PDZD2: variants seen among roughly 807,000 people sequenced by gnomAD.
PDZD2 encodes the protein PDZ domain containing 2.
In PDZD2, 90 loss-of-function variants were observed where a neutral mutation model predicts 220.7. The ratio of observed to expected loss-of-function variants is 0.41; its 90% CI spans 0.34 to 0.49. The LOEUF (loss-of-function observed/expected upper bound fraction) is 0.49. Ranked by LOEUF, PDZD2 falls within the 20% of genes least tolerant of loss-of-function variation. PDZD2 has a pLI of 0.28. For missense variants in PDZD2, 3,174 were observed against 3,608.5 expected, an observed-to-expected ratio of 0.88 and a Z score of 3.08; for synonymous variants, 1,375 against 1,450.5, an observed-to-expected ratio of 0.95 and a Z score of 1.18.
chr5:32,024,502 G>A (rs1350373873), intron 6 of PDZD2, among the ~76,000 whole-genome samples: 1 of 152,048 alleles, frequency 6.6e-6, no homozygotes, highest in Non-Finnish European at 1.5e-5. Flanking sequence ...GGCCAACATG[G>A]CGAAACCTCG....
chr5:31,764,661 T>C (rs193279590), intron 1 of PDZD2, among the ~76,000 whole-genome samples: 65 of 152,322 alleles, frequency 4.3e-4, no homozygotes, highest in Admixed American at 4.2e-3. Context: ...CTTCATGCTG[T>C]CTCAGACTCA....
At chr5:31,914,094 C>T (rs1192533073) in intron 2 of PDZD2, among the ~76,000 whole-genome samples, 1 of 152,166 alleles carries the variant, frequency 6.6e-6, no homozygotes, top group Non-Finnish European at 1.5e-5. Context: ...GCCATGTGAT[C>T]CCAGAATTAA....
chr5:32,052,641 T>C lies in PDZD2; in HGVS notation c.1696T>C (p.Ser566Pro). 6.2e-7 allele frequency: 1 copy of C among 1,613,582 alleles called. No individual in the cohort carries two copies. The highest frequency in any genetic ancestry group is 8.5e-7 in the Non-Finnish European group (1 of 1,179,476). The change falls in exon 9 of 25, where the codon TCC becomes CCC. Residue 566 changes from serine to proline, a missense_variant. Physicochemically the swap from Ser to Pro is moderately conservative, Grantham distance 74. Transcript: ENST00000438447. ...CCACATTGTGAAGAAGTCTACCCGC[T>C]CCTTAAGCACGACTCAGGTGGAATC... Reference protein sequence around the residue: ...EYHIVKKSTRSLSTTQVESPW... With the variant: ...EYHIVKKSTRPLSTTQVESPW...
In PDZD2 at chr5:32,048,622, G is replaced by T. The variant is rs773311589; in HGVS notation, c.1603G>T (p.Val535Phe). 9.3e-6 allele frequency: 15 copies of T among 1,614,100 alleles called. No homozygotes were observed. In the South Asian group the frequency reaches 1.5e-4, roughly 17 times the overall value. Residue 535 changes from valine to phenylalanine, a missense_variant, in exon 8 of 25, where the codon GTC (valine) becomes TTC (phenylalanine). Val to Phe is a conservative substitution (Grantham distance 50). This residue lies in a region of PDZD2 where 632 missense variants were observed against 708.1 expected (regional missense o/e 0.89). Coordinates refer to ENST00000438447, the MANE Select transcript of PDZD2 (RefSeq NM_178140.4). ...NGDPRIRMLE[V>F]SRDGRKHSLP... ...GGACCCCCGGATCCGGATGTTGGAGGTCTCCCGAGATGGCCGGAAACACTC... is the reference window on the plus strand; with the variant it reads ...GGACCCCCGGATCCGGATGTTGGAGTTCTCCCGAGATGGCCGGAAACACTC...
chr5:31,645,461 T>C (rs1200065656), intron 1 of PDZD2, among the ~76,000 whole-genome samples: 3 of 151,698 alleles, frequency 2.0e-5, no homozygotes, highest in African/African-American at 7.3e-5. Context: ...CTCAGCCTCC[T>C]GAGTAGCTGG....
intron 2 of PDZD2, among the ~76,000 whole-genome samples, chr5:31,802,353 C>T (rs867338245): frequency 7.2e-5 from 11 of 152,208 alleles, no homozygotes; most frequent in South Asian, 2.1e-4. Context: ...CCTGGGATGC[C>T]GCAGTGATAA....
intron 9 of PDZD2, 70 bp from the exon 10 acceptor site, chr5:32,053,699 T>C: frequency 4.6e-6 from 4 of 876,188 alleles, no homozygotes; most frequent in Non-Finnish European, 7.9e-6. Context: ...AGTTAAATAC[T>C]ACAATGGGAA....
At chr5:31,920,171 C>G (rs910639244) in intron 2 of PDZD2, among the ~76,000 whole-genome samples, 4 of 151,574 alleles carry the variant, frequency 2.6e-5, no homozygotes, top group Admixed American at 1.3e-4. Flanking sequence ...ATAATCCCAG[C>G]TACTCGGGGG....
intron 6 of PDZD2, among the ~76,000 whole-genome samples, chr5:32,014,245 A>T (rs1753555100): frequency 6.6e-6 from 1 of 152,194 alleles, no homozygotes; most frequent in African/African-American, 2.4e-5. Flanking sequence ...TTGCACCTGT[A>T]TGTCGTCGTG....
chr5:31,793,873 C>T (rs1307800848), intron 1 of PDZD2, among the ~76,000 whole-genome samples: 5 of 152,240 alleles, frequency 3.3e-5, no homozygotes, highest in South Asian at 4.1e-4. Flanking sequence ...CCCTTGGGCA[C>T]GCACAGTTGT....
intron 2 of PDZD2, among the ~76,000 whole-genome samples, chr5:31,917,873 G>A (rs900132324): frequency 2.1e-4 from 32 of 152,158 alleles, no homozygotes. Context: ...CTGAGTAGAT[G>A]GGACTACAGG....
intron 2 of PDZD2, among the ~76,000 whole-genome samples, chr5:31,947,966 T>C (rs1403098037): frequency 1.3e-5 from 2 of 152,154 alleles, no homozygotes; most frequent in East Asian, 1.9e-4. Context: ...ATATAAACTT[T>C]AAGGGTGGTC....
At chr5:31,935,834 A>G (rs1043569036) in intron 2 of PDZD2, among the ~76,000 whole-genome samples, 7 of 152,190 alleles carry the variant, frequency 4.6e-5, no homozygotes, top group African/African-American at 1.7e-4. Context: ...AGTCTGTAGA[A>G]TGAAGCAGCT....
At chr5:31,665,208 G>C (rs1290865991) in intron 1 of PDZD2, 2 of 141,922 alleles carry the variant, frequency 1.4e-5, no homozygotes, top group African/African-American at 2.6e-5. Flanking sequence ...TTCTCCTCCT[G>C]AGCTTGATTT....
chr5:31,987,462 A>G (rs938062754), intron 3 of PDZD2, among the ~76,000 whole-genome samples: 1 of 152,178 alleles, frequency 6.6e-6, no homozygotes, highest in Non-Finnish European at 1.5e-5. Context: ...CTCCCTGATG[A>G]GCCCTCACGT....
chr5:31,795,533 C>T (rs1410775358), intron 1 of PDZD2, among the ~76,000 whole-genome samples: 1 of 152,170 alleles, frequency 6.6e-6, no homozygotes, highest in Admixed American at 6.5e-5. Context: ...AAAAATTGTG[C>T]TCACTGTTGA....
chr5:31,725,530 C>A, intron 1 of PDZD2: 1 of 1,359,026 alleles, frequency 7.4e-7, no homozygotes, highest in Non-Finnish European at 1.0e-6. Flanking sequence ...TTTATACTAC[C>A]AGGGGCCACT....
In PDZD2 at chr5:32,074,137, G is replaced by T; in HGVS notation, c.3031G>T (p.Gly1011Cys). 1 of 1,614,182 alleles carries T rather than the reference G, an allele frequency of 6.2e-7. No homozygotes were observed. The highest frequency in any genetic ancestry group is 8.5e-7 in the Non-Finnish European group (1 of 1,180,038). Residue 1011 changes from glycine (G) to cysteine (C), a missense_variant, in exon 18 of 25, where the codon GGC (glycine) becomes TGC (cysteine). By Grantham distance (159) the Gly-to-Cys change is radical. Coordinates refer to ENST00000438447, the MANE Select transcript of PDZD2 (RefSeq NM_178140.4). ...GCGTGTCTCAATTTCCTCTTCCAAG[G>T]GCATGGACGTCCACAACCAAGAGGA... ...PRRVSISSSK[G>C]MDVHNQEERP...
intron 1 of PDZD2, among the ~76,000 whole-genome samples, chr5:31,670,012 T>A (rs1318617490): frequency 6.6e-6 from 1 of 152,210 alleles, no homozygotes. Flanking sequence ...TTACAGGTGA[T>A]AAAACTGAAA....
Sources: allele counts gnomAD v4.1 joint callset (sites outside exome capture counted in the v4.1 genomes callset), GRCh38; gene constraint gnomAD v4.1.1; regional missense constraint gnomAD v4.1.1; transcripts MANE v1.5; gene names NCBI Gene and HGNC (gene_info 2026-07-23, HGNC 2026-07-21).